Variants in SLMAP observed in about 807,000 individuals in gnomAD.
The protein encoded by SLMAP is sarcolemmal membrane-associated protein.
Under a neutral mutation model 128.8 loss-of-function variants are expected in SLMAP, and 44 were observed. The ratio of observed to expected loss-of-function variants is 0.34; its 90% CI spans 0.27 to 0.44. SLMAP has a LOEUF of 0.44. SLMAP is among the 20% of genes least tolerant of loss of function. The probability of loss-of-function intolerance (pLI) is 1.00; values close to 1 mark genes in which losing one functional copy is unlikely to be tolerated. For missense variants in SLMAP, 787 were observed against 985.3 expected, an observed-to-expected ratio of 0.80 and a Z score of 2.69; for synonymous variants, 327 against 348.8, an observed-to-expected ratio of 0.94 and a Z score of 0.70.
intron 14 of SLMAP, among the ~76,000 whole-genome samples, chr3:57,885,283 T>G (rs370605010): frequency 1.0e-4 from 15 of 149,740 alleles, no homozygotes; most frequent in African/African-American, 3.7e-4. Context: ...TGTTGGTCAG[T>G]CTGGTCTCGA....
At chr3:57,817,801 T>C (rs2092045693) in intron 2 of SLMAP, among the ~76,000 whole-genome samples, 1 of 152,296 alleles carries the variant, frequency 6.6e-6, no homozygotes, top group African/African-American at 2.4e-5. Context: ...TTTATTAGGA[T>C]TGTGTGTCAA....
intron 3 of SLMAP, among the ~76,000 whole-genome samples, chr3:57,839,434 A>ATTTTTTT (rs1189313640): frequency 4.3e-4 from 36 of 82,868 alleles, no homozygotes; most frequent in African/African-American, 7.7e-4. Flanking sequence ...CATTAGCTCT[A>ATTTTTTT]TTTTTTTTTT....
chr3:57,855,824 A>G (rs773967242), intron 6 of SLMAP, among the ~76,000 whole-genome samples: 2 of 151,794 alleles, frequency 1.3e-5, no homozygotes, highest in Non-Finnish European at 2.9e-5. Context: ...CGGGCGGATC[A>G]CTTGAGGTCA....
At chr3:57,761,889 T>C (rs1487668283) in intron 2 of SLMAP, among the ~76,000 whole-genome samples, 1 of 143,964 alleles carries the variant, frequency 6.9e-6, no homozygotes, top group Non-Finnish European at 1.5e-5. Context: ...CTACTAAAAA[T>C]ACAAAAAATT....
At chr3:57,769,692 T>A (rs1208702685) in intron 2 of SLMAP, among the ~76,000 whole-genome samples, 1 of 152,150 alleles carries the variant, frequency 6.6e-6, no homozygotes, top group Non-Finnish European at 1.5e-5. Flanking sequence ...TAGAAGACAG[T>A]GAGTGAGTAT....
chr3:57,875,617 A>G (rs2095587115), intron 14 of SLMAP, among the ~76,000 whole-genome samples: 1 of 152,246 alleles, frequency 6.6e-6, no homozygotes. Flanking sequence ...CTATGAGTTC[A>G]GGTAGCTAAG....
rs201247956 is a variant in SLMAP at position 57,912,689 on chromosome 3, A to G, written c.2008A>G (p.Thr670Ala). The change falls in exon 20 of 25, where the codon ACA becomes GCA. Residue 670 changes from threonine to alanine, a missense_variant. Thr to Ala is a moderately conservative substitution (Grantham distance 58). Coordinates refer to ENST00000671191, the MANE Select transcript of SLMAP (RefSeq NM_001377540.1). ...TGAGGACCAGCAGAGAGAAGAAGCA[A>G]CAAGGTTGCAAGGTGAATAAATGTA... ...QCEDQQREEA[T>A]RLQGELEKLR... The G allele has an allele frequency of 6.2e-7, 1 of 1,610,150 alleles. No individual in the cohort carries two copies. Among genetic ancestry groups the G allele is most frequent in the Non-Finnish European group, 8.5e-7 (1 of 1,176,966 alleles).
chr3:57,760,436 T>C (rs2078391878), intron 2 of SLMAP, among the ~76,000 whole-genome samples: 1 of 152,198 alleles, frequency 6.6e-6, no homozygotes. Context: ...GATCTTACCA[T>C]GTCATTGAAT....
chr3:57,871,509 A>T (rs943370550), intron 13 of SLMAP, 127 bp from the exon 14 acceptor site: 62 of 651,206 alleles, frequency 9.5e-5, no homozygotes, highest in Non-Finnish European at 2.7e-5. Context: ...TTAGTATCAA[A>T]ATATATTAAG....
intron 2 of SLMAP, among the ~76,000 whole-genome samples, chr3:57,793,175 A>G (rs534084563): frequency 2.0e-5 from 3 of 152,232 alleles, no homozygotes; most frequent in African/African-American, 4.8e-5. Context: ...TGATCCTCCC[A>G]TGTCAGCCTC....
At chr3:57,856,237 A>G (rs1217568017) in intron 6 of SLMAP, among the ~76,000 whole-genome samples, 1 of 152,096 alleles carries the variant, frequency 6.6e-6, no homozygotes, top group African/African-American at 2.4e-5. Context: ...AAAAGAAAAA[A>G]AAGTTCTTCT....
chr3:57,811,796 A>ATCTCATTG (rs1294053813), intron 2 of SLMAP, among the ~76,000 whole-genome samples: 3 of 152,112 alleles, frequency 2.0e-5, no homozygotes, highest in African/African-American at 7.2e-5. Flanking sequence ...GTGAAGTGGT[A>ATCTCATTG]TCTCATTGTT....
intron 14 of SLMAP, among the ~76,000 whole-genome samples, chr3:57,886,253 G>A (rs539219363): frequency 6.6e-6 from 1 of 150,384 alleles, no homozygotes; most frequent in East Asian, 2.0e-4. Context: ...ACAGGTGCCC[G>A]CCACCTGGCT....
At chr3:57,772,717 C>T (rs1048026080) in intron 2 of SLMAP, among the ~76,000 whole-genome samples, 16 of 151,884 alleles carry the variant, frequency 1.1e-4, no homozygotes, top group South Asian at 4.1e-4. Flanking sequence ...CTCGGCTCAC[C>T]GCAACCTTTG....
At chr3:57,920,654 T>G (rs1298963762) in intron 22 of SLMAP, among the ~76,000 whole-genome samples, 2 of 152,166 alleles carry the variant, frequency 1.3e-5, no homozygotes, top group Non-Finnish European at 2.9e-5. Flanking sequence ...CTTTCTGGTA[T>G]ACGTTACCTA....
At chr3:57,919,673 A>T (rs557174931) in intron 22 of SLMAP, among the ~76,000 whole-genome samples, 1 of 151,906 alleles carries the variant, frequency 6.6e-6, no homozygotes, top group East Asian at 2.0e-4. Context: ...GCATGCCTGT[A>T]ATCCCAGTTA....
At chr3:57,795,887 C>T (rs1432285094) in intron 2 of SLMAP, among the ~76,000 whole-genome samples, 1 of 151,816 alleles carries the variant, frequency 6.6e-6, no homozygotes, top group South Asian at 2.1e-4. Flanking sequence ...TAGGACTTTG[C>T]CTATTCTAGG....
intron 2 of SLMAP, among the ~76,000 whole-genome samples, chr3:57,825,482 G>T (rs988675592): frequency 2.0e-5 from 3 of 148,950 alleles, no homozygotes; most frequent in Non-Finnish European, 3.0e-5. Flanking sequence ...TTTCTGCATT[G>T]AGATGATTGT....
intron 23 of SLMAP, 144 bp from the exon 24 acceptor site, chr3:57,925,701 A>C (rs2096994883): frequency 1.6e-6 from 1 of 630,342 alleles, no homozygotes; most frequent in South Asian, 1.9e-5. Context: ...TGTCTTTAAA[A>C]TGTTTGAATC....
Sources: allele counts gnomAD v4.1 joint callset (sites outside exome capture counted in the v4.1 genomes callset), GRCh38; gene constraint gnomAD v4.1.1; transcripts MANE v1.5; gene names NCBI Gene and HGNC (gene_info 2026-07-23, HGNC 2026-07-21).